Variants in GPATCH2 observed in about 807,000 individuals in gnomAD.
GPATCH2 encodes G-patch domain containing 2.
In GPATCH2, 51 loss-of-function variants were observed where a neutral mutation model predicts 58.0. The ratio of observed to expected loss-of-function variants is 0.88; its 90% CI spans 0.70 to 1.11. The LOEUF is 1.11. GPATCH2 is among the 50% of genes most tolerant of loss of function. The pLI is 0.00. For missense variants in GPATCH2, 625 were observed against 652.2 expected (o/e 0.96, Z 0.45); for synonymous variants, 222 against 218.5 (o/e 1.02, Z -0.14).
intron 5 of GPATCH2, among the ~76,000 whole-genome samples, chr1:217,537,263 T>A (rs1664521414): frequency 1.3e-5 from 2 of 152,152 alleles, no homozygotes; most frequent in South Asian, 4.1e-4. Context: ...ATTAAGCACA[T>A]GTCTACCCTG....
chr1:217,539,962 C>G (rs2102642015), intron 5 of GPATCH2, among the ~76,000 whole-genome samples: 1 of 152,162 alleles, frequency 6.6e-6, no homozygotes, highest in Non-Finnish European at 1.5e-5. Flanking sequence ...TTATCATAAC[C>G]ACTTAGTTTT....
chr1:217,580,473 T>C (rs1038427479), intron 5 of GPATCH2, among the ~76,000 whole-genome samples: 2 of 152,210 alleles, frequency 1.3e-5, no homozygotes, highest in African/African-American at 4.8e-5. Flanking sequence ...CAAGAAGTGC[T>C]TATATTTACT....
chr1:217,506,141 G>A (rs1021404083), intron 6 of GPATCH2, among the ~76,000 whole-genome samples: 1 of 152,174 alleles, frequency 6.6e-6, no homozygotes, highest in African/African-American at 2.4e-5. Flanking sequence ...AAGTGCTAAA[G>A]GCATATACGG....
intron 9 of GPATCH2, among the ~76,000 whole-genome samples, chr1:217,441,821 G>T (rs1486477405): frequency 6.6e-6 from 1 of 152,080 alleles, no homozygotes. Context: ...AGAATGCTGA[G>T]CATTAAAAAG....
chr1:217,515,600 C>G (rs71645481), intron 5 of GPATCH2, among the ~76,000 whole-genome samples: 5 of 151,584 alleles, frequency 3.3e-5, no homozygotes, highest in Non-Finnish European at 5.9e-5. Flanking sequence ...CCCAGCTACT[C>G]GGGAGGCTGA....
intron 1 of GPATCH2, among the ~76,000 whole-genome samples, chr1:217,621,963 G>C (rs1422306437): frequency 6.6e-6 from 1 of 152,136 alleles, no homozygotes; most frequent in Non-Finnish European, 1.5e-5. Flanking sequence ...CACAAAGGCC[G>C]AAAGATCTCT....
At chr1:217,435,533 G>C (rs1302275543) in intron 9 of GPATCH2, among the ~76,000 whole-genome samples, 1 of 152,194 alleles carries the variant, frequency 6.6e-6, no homozygotes, top group Non-Finnish European at 1.5e-5. Context: ...GACACATGCT[G>C]CTTCCCATAG....
chr1:217,458,553 T>C (rs1172121386), intron 8 of GPATCH2, among the ~76,000 whole-genome samples: 3 of 152,182 alleles, frequency 2.0e-5, no homozygotes, highest in Non-Finnish European at 4.4e-5. Flanking sequence ...TGTTATATCT[T>C]AGCTTACATC....
At chr1:217,626,372 T>TA (rs1417868955) in intron 1 of GPATCH2, among the ~76,000 whole-genome samples, 1 of 152,224 alleles carries the variant, frequency 6.6e-6, no homozygotes, top group East Asian at 1.9e-4. Context: ...CTTGTACTTA[T>TA]ACGCCTCCAT....
chr1:217,546,094 G>A (rs144698777), intron 5 of GPATCH2, among the ~76,000 whole-genome samples: 21 of 152,166 alleles, frequency 1.4e-4, no homozygotes, highest in African/African-American at 4.6e-4. Flanking sequence ...AACTAGGGAG[G>A]TGAAAGATCT....
At chr1:217,591,162 G>A (rs1006280715) in intron 5 of GPATCH2, among the ~76,000 whole-genome samples, 1 of 151,978 alleles carries the variant, frequency 6.6e-6, no homozygotes, top group Non-Finnish European at 1.5e-5. Context: ...AGAATAGCTA[G>A]GCTATGTCAA....
Position 217,431,392 on chromosome 1 carries a change from T to G in GPATCH2, c.1367-27A>C, listed in dbSNP as rs377527494. ...TGAAATGATAAAACAACAGCACACA[T>G]TAATCAGTATGAACACAGGTGAAGA... On this transcript the variant is annotated intron_variant, in intron 9 of 9. Coordinates refer to ENST00000366935, the MANE Select transcript of GPATCH2 (RefSeq NM_018040.5). 11 of 1,162,982 alleles carry G rather than the reference T, an allele frequency of 9.5e-6. No homozygotes were observed. In the African/African-American group the frequency reaches 1.7e-4, roughly 17 times the overall value. The allele number at this position is 1,162,982 out of a possible 1,614,324, so 72.0% of individuals were successfully genotyped here.
Position 217,449,485 on chromosome 1 carries a change from A to G in GPATCH2, c.1278-148T>C, listed in dbSNP as rs575304982. ...TCACCAATCTTGTTTATATCGAAAC[A>G]TAATTACATTTGTTGACAAGCGTTC... is the stretch of plus-strand genomic sequence containing the variant. On this transcript the variant is annotated intron_variant, in intron 8 of 9. Coordinates refer to ENST00000366935, the MANE Select transcript of GPATCH2 (RefSeq NM_018040.5). 1.8e-5 allele frequency: 11 copies of G among 605,894 alleles called. No homozygotes were observed. In the South Asian group the frequency reaches 2.2e-4, roughly 12 times the overall value. 37.5% of individuals were successfully genotyped at this position (605,894 alleles called of 1,614,324 possible).
intron 8 of GPATCH2, among the ~76,000 whole-genome samples, chr1:217,476,279 G>C (rs914542146): frequency 4.2e-5 from 6 of 143,808 alleles, no homozygotes; most frequent in Non-Finnish European, 7.7e-5. Flanking sequence ...TTGTTGTGGG[G>C]GACACAGCAA....
chr1:217,486,745 A>T (rs1661472518), intron 8 of GPATCH2, among the ~76,000 whole-genome samples: 1 of 152,138 alleles, frequency 6.6e-6, no homozygotes, highest in Admixed American at 6.5e-5. Context: ...TAGAGTGGAG[A>T]GGCTCTGGCA....
rs1449491950 is a variant in GPATCH2, at chr1:217,429,843, AAAAGAAAC to A, written c.*1294_*1301del. The stretch of plus-strand genomic sequence containing the variant: ...ACTCTGTCAAAAAAAAAAAAAAAAA[AAAAGAAAC>A]AAAAAAACTCTTTTGGAAAGTGACA... On this transcript the variant is annotated 3_prime_UTR_variant, in exon 10 of 10. Coordinates refer to ENST00000366935, the MANE Select transcript of GPATCH2 (RefSeq NM_018040.5). 91 of 151,332 alleles carry A rather than the reference AAAAGAAAC, an allele frequency of 6.0e-4. No homozygotes were observed. The highest frequency in any genetic ancestry group is 2.2e-3 in the African/African-American group (90 of 41,224). The allele number at this position is 151,332 out of a possible 1,614,324, so 9.4% of individuals were successfully genotyped here.
chr1:217,615,740 T>C (rs1301477081), intron 2 of GPATCH2, among the ~76,000 whole-genome samples: 1 of 152,180 alleles, frequency 6.6e-6, no homozygotes, highest in Non-Finnish European at 1.5e-5. Context: ...AACAGATTAA[T>C]ATATTTCTTC....
At chr1:217,561,820 G>T (rs1035674656) in intron 5 of GPATCH2, among the ~76,000 whole-genome samples, 2 of 152,092 alleles carry the variant, frequency 1.3e-5, no homozygotes, top group Non-Finnish European at 2.9e-5. Flanking sequence ...TCCTCTGCAG[G>T]GTATGATTAG....
chr1:217,595,002 GT>G (rs1667758197), intron 5 of GPATCH2, among the ~76,000 whole-genome samples: 1 of 152,182 alleles, frequency 6.6e-6, no homozygotes, highest in Admixed American at 6.5e-5. Context: ...TATGATTACA[GT>G]AAGATGTTAA....
Sources: allele counts gnomAD v4.1 joint callset (sites outside exome capture counted in the v4.1 genomes callset), GRCh38; gene constraint gnomAD v4.1.1; transcripts MANE v1.5; gene names NCBI Gene and HGNC (gene_info 2026-07-23, HGNC 2026-07-21).